KCNQ3: variants seen among roughly 807,000 people sequenced by gnomAD.
The protein encoded by KCNQ3 is potassium voltage-gated channel subfamily KQT member 3.
Under a neutral mutation model 92.5 loss-of-function variants are expected in KCNQ3, and 30 were observed. That is an observed-to-expected ratio of 0.32 (90% CI 0.24 to 0.44). The LOEUF (loss-of-function observed/expected upper bound fraction) is 0.44. KCNQ3 is among the 20% of genes least tolerant of loss of function. The pLI, the probability that KCNQ3 is intolerant of heterozygous loss-of-function variation, is 1.00. For missense variants in KCNQ3, 913 were observed against 1,140.3 expected, an observed-to-expected ratio of 0.80 and a Z score of 2.87; for synonymous variants, 450 against 468.8, an observed-to-expected ratio of 0.96 and a Z score of 0.52.
chr8:132,239,284 C>T (rs1814913227), intron 1 of KCNQ3, among the ~76,000 whole-genome samples: 1 of 152,204 alleles, frequency 6.6e-6, no homozygotes, highest in South Asian at 2.1e-4. Context: ...ATACATCCTG[C>T]TCCTCTTTGG....
intron 1 of KCNQ3, among the ~76,000 whole-genome samples, chr8:132,191,011 T>C (rs569513794): frequency 5.9e-5 from 9 of 152,186 alleles, no homozygotes; most frequent in Non-Finnish European, 1.3e-4. Context: ...AGAGAATGAA[T>C]ACAAACAATT....
In KCNQ3 at chr8:132,312,169, G is replaced by T. The variant is rs144307434; in HGVS notation, c.387-125988C>A. On this transcript the variant is annotated intron_variant, in intron 1 of 14. Transcript: ENST00000388996. ...TGATTTCAGACTTCTTGTCTCCAGA[G>T]CTGTGAGAGAATACATTTCTGTTGT... is the stretch of plus-strand genomic sequence containing the variant. Among the ~76,000 whole-genome samples the T allele has an allele frequency of 3.7e-4, 57 of 152,292 alleles. 1 individual carries two copies. The East Asian group carries it at 0.011, about 29-fold the overall frequency.
intron 1 of KCNQ3, among the ~76,000 whole-genome samples, chr8:132,256,772 A>G (rs1815602484): frequency 1.3e-5 from 2 of 152,212 alleles, no homozygotes; most frequent in Non-Finnish European, 2.9e-5. Flanking sequence ...TCAAAAATGA[A>G]AGAGAAATTA....
At chr8:132,174,162 T>A (rs1826471209) in intron 6 of KCNQ3, 77 bp downstream of exon 6, 1 of 1,005,536 alleles carries the variant, frequency 9.9e-7, no homozygotes, top group Non-Finnish European at 1.5e-6. Context: ...AAGATGACAC[T>A]GGAAAGTTGA....
intron 1 of KCNQ3, among the ~76,000 whole-genome samples, chr8:132,266,571 T>C (rs1273619042): frequency 6.6e-6 from 1 of 152,144 alleles, no homozygotes; most frequent in Non-Finnish European, 1.5e-5. Flanking sequence ...ATGTGCTCTG[T>C]TTGGATCCAG....
intron 1 of KCNQ3, among the ~76,000 whole-genome samples, chr8:132,413,953 G>A (rs1411911058): frequency 6.6e-6 from 1 of 152,176 alleles, no homozygotes; most frequent in Non-Finnish European, 1.5e-5. Flanking sequence ...GGGAGCAAAG[G>A]AGACTGGTGA....
chr8:132,414,099 T>C (rs1820728268), intron 1 of KCNQ3, among the ~76,000 whole-genome samples: 1 of 152,240 alleles, frequency 6.6e-6, no homozygotes, highest in African/African-American at 2.4e-5. Context: ...ACATCTACCA[T>C]GTATTGACTT....
At chr8:132,187,902 G>GGT (rs1563795958) in intron 1 of KCNQ3, among the ~76,000 whole-genome samples, 1 of 90,400 alleles carries the variant, frequency 1.1e-5, no homozygotes, top group East Asian at 2.7e-4. Flanking sequence ...TGGTGGTGGT[G>GGT]ATGGTGGTGG....
At chr8:132,363,237 C>T (rs763056521) in intron 1 of KCNQ3, among the ~76,000 whole-genome samples, 6 of 152,090 alleles carry the variant, frequency 3.9e-5, no homozygotes, top group African/African-American at 1.4e-4. Context: ...GTAGATAAAA[C>T]GCGAAACCAC....
At chr8:132,248,891 G>A (rs1455676766) in intron 1 of KCNQ3, among the ~76,000 whole-genome samples, 6 of 152,194 alleles carry the variant, frequency 3.9e-5, no homozygotes, top group Non-Finnish European at 4.4e-5. Context: ...CCATAATCCC[G>A]GGTGTGCTGG....
At chr8:132,405,622 G>C (rs1820455310) in intron 1 of KCNQ3, among the ~76,000 whole-genome samples, 1 of 152,152 alleles carries the variant, frequency 6.6e-6, no homozygotes, top group South Asian at 2.1e-4. Context: ...GAATGATGGG[G>C]GGACCCTGCC....
chr8:132,384,122 A>C (rs1284995317), intron 1 of KCNQ3, among the ~76,000 whole-genome samples: 3 of 152,072 alleles, frequency 2.0e-5, no homozygotes, highest in Admixed American at 1.3e-4. Flanking sequence ...TCTCTGCCCT[A>C]AGACCTGCCC....
At chr8:132,184,135 C>T in intron 3 of KCNQ3, 106 bp downstream of exon 3, 2 of 1,437,440 alleles carry the variant, frequency 1.4e-6, no homozygotes, top group Non-Finnish European at 2.0e-6. Flanking sequence ...CTGGCCTCCA[C>T]AGTGCCGCGT....
chr8:132,195,572 G>T (rs1435614139), intron 1 of KCNQ3, among the ~76,000 whole-genome samples: 3 of 152,080 alleles, frequency 2.0e-5, no homozygotes, highest in African/African-American at 7.2e-5. Context: ...ATCGGTACAT[G>T]CCTTCCAGTA....
chr8:132,196,247 A>G (rs746694507), intron 1 of KCNQ3, among the ~76,000 whole-genome samples: 1 of 152,216 alleles, frequency 6.6e-6, no homozygotes, highest in Non-Finnish European at 1.5e-5. Flanking sequence ...TTTATTCAAT[A>G]AAATATTTAC....
chr8:132,201,690 C>A (rs1170602931), intron 1 of KCNQ3, among the ~76,000 whole-genome samples: 5 of 152,190 alleles, frequency 3.3e-5, no homozygotes, highest in African/African-American at 1.2e-4. Context: ...ACAGACCCTC[C>A]AGGCCGTGGC....
chr8:132,356,249 T>C (rs965208856), intron 1 of KCNQ3, among the ~76,000 whole-genome samples: 1 of 152,162 alleles, frequency 6.6e-6, no homozygotes, highest in Non-Finnish European at 1.5e-5. Context: ...GGAAGAAATA[T>C]AAGTGTTCAT....
chr8:132,138,788 G>A (rs572180465), intron 11 of KCNQ3, among the ~76,000 whole-genome samples: 2 of 152,310 alleles, frequency 1.3e-5, no homozygotes, highest in Non-Finnish European at 2.9e-5. Flanking sequence ...TTTTAATGGT[G>A]CATTCAAAGT....
chr8:132,303,603 T>TGTGTATATATATATATATATATATATATG (rs1355041031), intron 1 of KCNQ3, among the ~76,000 whole-genome samples: 9 of 22,330 alleles, frequency 4.0e-4, no homozygotes, highest in South Asian at 1.6e-3. Context: ...ATATATATGG[T>TGTGTATATATATATATATATATATATATG]GTGTATATAT....
Sources: allele counts gnomAD v4.1 joint callset (sites outside exome capture counted in the v4.1 genomes callset), GRCh38; gene constraint gnomAD v4.1.1; transcripts MANE v1.5; gene names NCBI Gene and HGNC (gene_info 2026-07-23, HGNC 2026-07-21).